Variants in GALNT7 observed in about 807,000 individuals in gnomAD.
GALNT7 encodes the protein N-acetylgalactosaminyltransferase 7.
A neutral mutation model predicts 82.1 loss-of-function variants in GALNT7; 60 were observed. The observed-to-expected ratio is 0.73, with a 90% CI of 0.59 to 0.91. The LOEUF (loss-of-function observed/expected upper bound fraction) is 0.91, where lower values mean the gene tolerates loss of function less well. GALNT7 is among the 40% of genes least tolerant of loss of function. The pLI, the probability that GALNT7 is intolerant of heterozygous loss-of-function variation, is 0.00. For missense variants in GALNT7, 660 were observed against 804.2 expected, an observed-to-expected ratio of 0.82 and a Z score of 2.17; for synonymous variants, 243 against 275.1, an observed-to-expected ratio of 0.88 and a Z score of 1.15.
In GALNT7 at chr4:173,320,385, A is replaced by G. The variant is rs1181851816; in HGVS notation, c.1837-1195A>G. On this transcript the variant is annotated intron_variant, in intron 11 of 11. Transcript: ENST00000265000. The surrounding 1 kb of genome is among the most constrained non-coding windows in gnomAD (Gnocchi z 4.1). ...AGTAATAATAATATACTTATTAAAC[A>G]TTAATGTAAATGACATTTTTAATGA... Among the ~76,000 whole-genome samples the G allele has an allele frequency of 6.6e-6, 1 of 152,182 alleles. No individual in the cohort carries two copies. The highest frequency in any genetic ancestry group is 1.9e-4 in the East Asian group (1 of 5,206).
At chr4:173,315,143 G>A (rs1208929793) in intron 9 of GALNT7, among the ~76,000 whole-genome samples, 1 of 152,236 alleles carries the variant, frequency 6.6e-6, no homozygotes, top group Non-Finnish European at 1.5e-5. Flanking sequence ...ATGATAAAGA[G>A]TCAGCCAATC....
intron 2 of GALNT7, among the ~76,000 whole-genome samples, chr4:173,271,407 G>C (rs1016176163): frequency 3.9e-5 from 6 of 152,082 alleles, no homozygotes; most frequent in African/African-American, 1.2e-4. Flanking sequence ...AATCCTACCA[G>C]CCAAGTAATA....
chr4:173,284,420 C>T (rs1203682304), intron 2 of GALNT7, among the ~76,000 whole-genome samples: 2 of 152,174 alleles, frequency 1.3e-5, no homozygotes, highest in African/African-American at 4.8e-5. Context: ...CCTTAGACAT[C>T]CCATACAATT....
Position 173,313,939 on chromosome 4 carries a change from ATATAT to A in GALNT7, c.1390-17_1390-13del. The A allele has an allele frequency of 1.9e-6, 2 of 1,064,800 alleles. No individual in the cohort carries two copies. The highest frequency in any genetic ancestry group is 2.8e-6 in the Non-Finnish European group (2 of 721,904). The allele number at this position is 1,064,800 out of a possible 1,614,324, so 66.0% of individuals were successfully genotyped here. On this transcript the variant is annotated splice_polypyrimidine_tract_variant and intron_variant, in intron 8 of 11. Coordinates refer to ENST00000265000, the MANE Select transcript of GALNT7 (RefSeq NM_017423.3). ...TGTATTTTTATAACGATATATATAT[ATATAT>A]TTTTTTTTTACAGAATTATGTTAGA...
chr4:173,298,297 G>T lies in GALNT7; in HGVS notation c.1148G>T (p.Arg383Leu), dbSNP rs751504363. The change falls in exon 6 of 12, where the codon CGG (arginine) becomes CTG (leucine). Residue 383 changes from arginine to leucine, a missense_variant and splice_region_variant. Transcript: ENST00000265000. ...AGAAAGACAAAAACTGAACCGTATC[G>T]GTAATCACTAAATCACTTACATATT... ...RLRKTKTEPY[R>L]SPAMAGGLFA... 1 of 1,548,314 alleles carries T rather than the reference G, an allele frequency of 6.5e-7. No homozygotes were observed. The highest frequency in any genetic ancestry group is 8.7e-7 in the Non-Finnish European group (1 of 1,152,638).
chr4:173,212,628 CT>C (rs11414071), intron 1 of GALNT7, among the ~76,000 whole-genome samples: 104,872 of 147,568 alleles, frequency 0.71, 37,852 homozygotes, highest in East Asian at 0.89. Flanking sequence ...CTTCAGTTGG[CT>C]TTTTTTTTTT....
intron 1 of GALNT7, among the ~76,000 whole-genome samples, chr4:173,179,295 A>T (rs1431682369): frequency 6.6e-6 from 1 of 152,200 alleles, no homozygotes; most frequent in African/African-American, 2.4e-5. Context: ...CAGCATTTTT[A>T]TTTATTAAAC....
At chr4:173,248,981 T>C (rs1561172645) in intron 2 of GALNT7, among the ~76,000 whole-genome samples, 1 of 152,196 alleles carries the variant, frequency 6.6e-6, no homozygotes, top group South Asian at 2.1e-4. Flanking sequence ...CTTTACTATA[T>C]GCAAAAGTAA....
intron 8 of GALNT7, among the ~76,000 whole-genome samples, chr4:173,312,242 G>C (rs1272058871): frequency 6.6e-6 from 1 of 152,170 alleles, no homozygotes; most frequent in Non-Finnish European, 1.5e-5. Context: ...CCTGAGGCTG[G>C]GTAATTTATC....
At chr4:173,169,063 G>GGGCACCGC in intron 1 of GALNT7, 102 bp downstream of exon 1, 2 of 1,183,650 alleles carry the variant, frequency 1.7e-6, no homozygotes, top group Non-Finnish European at 2.4e-6. Flanking sequence ...GGCACGGCGT[G>GGGCACCGC]GGCACCGCAG....
At chr4:173,218,183 T>G (rs1312907301) in intron 1 of GALNT7, among the ~76,000 whole-genome samples, 1 of 152,190 alleles carries the variant, frequency 6.6e-6, no homozygotes, top group African/African-American at 2.4e-5. Flanking sequence ...CCTCTAATCT[T>G]AGCATAGACA....
intron 1 of GALNT7, among the ~76,000 whole-genome samples, chr4:173,206,619 G>A (rs574214018): frequency 3.3e-5 from 5 of 152,282 alleles, no homozygotes; most frequent in African/African-American, 1.2e-4. Flanking sequence ...TGCAGATGTG[G>A]AATATCAAAC....
Position 173,170,749 on chromosome 4 carries a change from C to T in GALNT7, c.126+1788C>T, listed in dbSNP as rs559827459. Among the ~76,000 whole-genome samples, 46 of 152,156 alleles carry T rather than the reference C, an allele frequency of 3.0e-4. 1 individual carries two copies. The South Asian group carries it at 5.8e-3, about 19-fold the overall frequency. On this transcript the variant is annotated intron_variant, in intron 1 of 11. Transcript: ENST00000265000. ...TTACATGTAGCTAGAAATGTTTAACCCCCTATTTTCTGGTAGAGAAACTGA... is the reference window on the plus strand; with the variant it reads ...TTACATGTAGCTAGAAATGTTTAACTCCCTATTTTCTGGTAGAGAAACTGA...
chr4:173,249,025 C>T (rs1293367635), intron 2 of GALNT7, among the ~76,000 whole-genome samples: 1 of 152,134 alleles, frequency 6.6e-6, no homozygotes, highest in African/African-American at 2.4e-5. Context: ...CCTAAGATTT[C>T]CAATTCTTTT....
At chr4:173,249,492 G>A (rs1463824425) in intron 2 of GALNT7, among the ~76,000 whole-genome samples, 1 of 152,218 alleles carries the variant, frequency 6.6e-6, no homozygotes, top group Non-Finnish European at 1.5e-5. Flanking sequence ...AAGTGCAGCA[G>A]TGTGATGGTG....
At chr4:173,275,989 G>A (rs1434865962) in intron 2 of GALNT7, among the ~76,000 whole-genome samples, 5 of 152,184 alleles carry the variant, frequency 3.3e-5, no homozygotes, top group African/African-American at 7.2e-5. Context: ...AGCAAGGATT[G>A]TAGTTAACAG....
intron 1 of GALNT7, among the ~76,000 whole-genome samples, chr4:173,220,484 G>A (rs1733608206): frequency 6.6e-6 from 1 of 151,922 alleles, no homozygotes; most frequent in South Asian, 2.1e-4. Context: ...GCTCTTTTTT[G>A]GTTTTATTTC....
intron 1 of GALNT7, among the ~76,000 whole-genome samples, chr4:173,225,416 G>A (rs1176195287): frequency 6.6e-6 from 1 of 152,214 alleles, no homozygotes; most frequent in Non-Finnish European, 1.5e-5. Flanking sequence ...GGCATGAACA[G>A]TAACTTTTCA....
chr4:173,245,480 A>G (rs1391585389), intron 1 of GALNT7, among the ~76,000 whole-genome samples: 1 of 152,162 alleles, frequency 6.6e-6, no homozygotes, highest in Non-Finnish European at 1.5e-5. Flanking sequence ...CTGACATCAT[A>G]TGAGCTGTTC....
Sources: gnomAD v4.1 joint callset for allele counts (sites outside exome capture counted in the v4.1 genomes callset) on GRCh38, gnomAD v4.1.1 for gene constraint, Gnocchi (gnomAD v3.1) non-coding constraint, MANE v1.5 for transcripts, NCBI Gene and HGNC (gene_info 2026-07-23, HGNC 2026-07-21) for gene names.